UBR3: variants seen among roughly 807,000 people sequenced by gnomAD.
UBR3 encodes the protein ubiquitin protein ligase E3 component n-recognin 3, also known as E3 ubiquitin-protein ligase UBR3.
A neutral mutation model predicts 243.2 loss-of-function variants in UBR3; 85 were observed. The ratio of observed to expected loss-of-function variants is 0.35; its 90% CI spans 0.29 to 0.42. The LOEUF (loss-of-function observed/expected upper bound fraction) is 0.42. Ranked by LOEUF, UBR3 falls within the 10% of genes least tolerant of loss-of-function variation. The pLI, the probability that UBR3 is intolerant of heterozygous loss-of-function variation, is 1.00. For synonymous variants in UBR3, 748 were observed against 799.8 expected (o/e 0.94, Z 1.09); for missense variants, 1,686 against 2,300.8 (o/e 0.73, Z 5.47).
intron 19 of UBR3, among the ~76,000 whole-genome samples, chr2:169,937,532 T>C (rs2086391132): frequency 6.6e-6 from 1 of 152,242 alleles, no homozygotes; most frequent in Non-Finnish European, 1.5e-5. Flanking sequence ...TTTGTCAATT[T>C]TGGCTTTTGT....
intron 27 of UBR3, among the ~76,000 whole-genome samples, chr2:170,001,817 G>A (rs1020999086): frequency 6.7e-6 from 1 of 149,234 alleles, no homozygotes; most frequent in African/African-American, 2.5e-5. Context: ...GGAGGCTGAG[G>A]CAGGAGAATC....
intron 10 of UBR3, among the ~76,000 whole-genome samples, chr2:169,912,944 T>C (rs1459107184): frequency 6.6e-6 from 1 of 152,082 alleles, no homozygotes; most frequent in East Asian, 1.9e-4. Flanking sequence ...GCCACCACTC[T>C]TGACTAATTT....
chr2:170,073,479 T>C lies in UBR3; in HGVS notation c.5071T>C (p.Phe1691Leu). The C allele has an allele frequency of 6.2e-7, 1 of 1,613,778 alleles. No individual in the cohort carries two copies. The highest frequency in any genetic ancestry group is 8.5e-7 in the Non-Finnish European group (1 of 1,179,716). ...LASCLGLLPT[F>L]YQTEHPFISA... is the part of the protein sequence containing the mutation. Reference sequence around the variant, plus strand: ...CAGCTGCCTGGGACTTCTGCCAACGTTTTACCAAACAGAACATCCATTCAT... The same window carrying C: ...CAGCTGCCTGGGACTTCTGCCAACGCTTTACCAAACAGAACATCCATTCAT... The change falls in exon 36 of 39, where the codon TTT becomes CTT. Residue 1691 changes from phenylalanine to leucine, a missense_variant. Phe to Leu is a conservative substitution (Grantham distance 22, BLOSUM62 0). Coordinates refer to ENST00000272793, the MANE Select transcript of UBR3 (RefSeq NM_172070.4).
In UBR3 at chr2:169,890,544, T is replaced by G. The variant is rs6716958; in HGVS notation, c.1039-621T>G. Among the ~76,000 whole-genome samples the G allele has an allele frequency of 9.1e-3, 508 of 56,034 alleles. 24 individuals carry two copies. The highest frequency in any genetic ancestry group is 0.033 in the African/African-American group (477 of 14,290). The allele number at this position is 56,034 out of a possible 152,430, so 36.8% of individuals were successfully genotyped here. ...TTTCTAGGAGAGAGAGAGAGAGATA[T>G]ATATATATATATATATATATGTGTA... On this transcript the variant is annotated intron_variant, in intron 5 of 38. Coordinates refer to ENST00000272793, the MANE Select transcript of UBR3 (RefSeq NM_172070.4).
intron 32 of UBR3, among the ~76,000 whole-genome samples, chr2:170,042,392 G>A (rs12620815): frequency 0.05 from 7,581 of 151,950 alleles, 281 homozygotes; most frequent in East Asian, 0.1. Flanking sequence ...GGTTATTACC[G>A]CCTTTTGGCT....
chr2:169,900,017 A>T (rs932012812), intron 8 of UBR3, among the ~76,000 whole-genome samples: 2 of 152,154 alleles, frequency 1.3e-5, no homozygotes, highest in Non-Finnish European at 2.9e-5. Flanking sequence ...TACCCAGTAA[A>T]GGGATTGCTG....
At chr2:170,037,932 C>G (rs1384296838) in intron 31 of UBR3, among the ~76,000 whole-genome samples, 1 of 152,112 alleles carries the variant, frequency 6.6e-6, no homozygotes, top group Admixed American at 6.6e-5. Context: ...TGGAAGGTCA[C>G]ATACAATAAT....
chr2:169,962,463 C>T (rs937053582), intron 24 of UBR3, among the ~76,000 whole-genome samples: 1 of 152,086 alleles, frequency 6.6e-6, no homozygotes, highest in Admixed American at 6.6e-5. Context: ...CTCCCAGATG[C>T]CTGACCCTCA....
chr2:170,061,131 G>A lies in UBR3; in HGVS notation c.4838G>A (p.Ser1613Asn), dbSNP rs764729306. The part of the protein sequence containing the change: ...SYEVLLSFVI[S>N]ELFKGKLYHE... ...GAAGTATTACTGAGCTTTGTGATAA[G>A]TGAACTATTTAAAGGAAAGTTATAC... The change falls in exon 34 of 39, where the codon AGT becomes AAT. Residue 1613 changes from serine (S) to asparagine (N), a missense_variant. By Grantham distance (46) the Ser-to-Asn change is conservative (BLOSUM62 1). Around this residue, in one of 8 missense-constraint regions of UBR3, gnomAD observed 371 missense variants for 422.5 expected, o/e 0.88. Coordinates refer to ENST00000272793, the MANE Select transcript of UBR3 (RefSeq NM_172070.4). 3.7e-6 allele frequency: 6 copies of A among 1,600,782 alleles called. No homozygotes were observed. The highest frequency in any genetic ancestry group is 1.4e-5 in the African/African-American group (1 of 74,044).
chr2:169,944,735 A>G (rs917485854), intron 20 of UBR3, among the ~76,000 whole-genome samples: 38 of 151,568 alleles, frequency 2.5e-4, no homozygotes, highest in Non-Finnish European at 4.6e-4. Context: ...TTTAGCTCTG[A>G]AGTTACTCAA....
chr2:170,061,332 T>A lies in UBR3; in HGVS notation c.4908T>A (p.Ala1636=). 1 of 1,614,112 alleles carries A rather than the reference T, an allele frequency of 6.2e-7. No homozygotes were observed. The highest frequency in any genetic ancestry group is 1.1e-5 in the South Asian group (1 of 91,056). The change falls in exon 35 of 39, where the codon GCT becomes GCA. Residue 1636 remains alanine (A), a synonymous_variant. Coordinates refer to ENST00000272793, the MANE Select transcript of UBR3 (RefSeq NM_172070.4). The part of the protein sequence containing the change: ...TQECAMVNPI[A]WSPESMEKCL... ...TTTAACTTTAGGTTAACCCTATTGC[T>A]TGGTCTCCTGAATCCATGGAAAAAT...
At chr2:169,897,794 C>T (rs2084649086) in intron 8 of UBR3, among the ~76,000 whole-genome samples, 1 of 152,150 alleles carries the variant, frequency 6.6e-6, no homozygotes, top group Non-Finnish European at 1.5e-5. Context: ...AGACACCACG[C>T]TTGGCCAATA....
chr2:169,880,257 C>T (rs1217015135), intron 5 of UBR3, among the ~76,000 whole-genome samples: 1 of 152,168 alleles, frequency 6.6e-6, no homozygotes, highest in Non-Finnish European at 1.5e-5. Context: ...TTAAAATAAA[C>T]ATCTTGACTT....
intron 2 of UBR3, among the ~76,000 whole-genome samples, chr2:169,875,365 T>C (rs1307929202): frequency 1.3e-5 from 2 of 152,218 alleles, no homozygotes; most frequent in African/African-American, 2.4e-5. Context: ...GGTGTCACTC[T>C]GTTGCCCAGG....
chr2:169,996,432 C>A (rs1419717366), intron 26 of UBR3, among the ~76,000 whole-genome samples: 1 of 152,154 alleles, frequency 6.6e-6, no homozygotes, highest in Non-Finnish European at 1.5e-5. Context: ...ATATAGGTCA[C>A]TCTGCATATA....
intron 1 of UBR3, among the ~76,000 whole-genome samples, chr2:169,830,235 TC>T (rs1434903724): frequency 6.6e-6 from 1 of 152,166 alleles, no homozygotes; most frequent in Non-Finnish European, 1.5e-5. Flanking sequence ...ATCTGTCTTT[TC>T]CCCACCTGGT....
chr2:169,899,803 A>T (rs1350154587), intron 8 of UBR3, among the ~76,000 whole-genome samples: 1 of 152,104 alleles, frequency 6.6e-6, no homozygotes, highest in African/African-American at 2.4e-5. Context: ...GACCAGTTTC[A>T]TCCATGTCCT....
At chr2:169,945,693 A>T (rs934234378) in intron 20 of UBR3, among the ~76,000 whole-genome samples, 1 of 152,198 alleles carries the variant, frequency 6.6e-6, no homozygotes, top group African/African-American at 2.4e-5. Flanking sequence ...GTTATATCAT[A>T]TTGAATGAGT....
Position 169,838,387 on chromosome 2 carries a change from T to TTGTG in UBR3, c.545+10393_545+10396dup, listed in dbSNP as rs544974959. On this transcript the variant is annotated intron_variant, in intron 1 of 38. Coordinates refer to ENST00000272793, the MANE Select transcript of UBR3 (RefSeq NM_172070.4). ...GCTGGGAAGTCCAAGATTAAGGCATTTGTGTGTGTGTGTGTGTGTGTGTGT... is the reference window on the plus strand; with the variant it reads ...GCTGGGAAGTCCAAGATTAAGGCATTTGTGTGTGTGTGTGTGTGTGTGTGTGTGT... Among the ~76,000 whole-genome samples, 894 of 114,384 alleles carry TTGTG rather than the reference T, an allele frequency of 7.8e-3. 9 individuals carry two copies. The highest frequency in any genetic ancestry group is 9.4e-3 in the African/African-American group (288 of 30,678). 75.0% of individuals were successfully genotyped at this position (114,384 alleles called of 152,430 possible). A position where few individuals can be genotyped will look rare whatever the true frequency, so the allele number is the denominator to read the frequency against.
Sources: gnomAD v4.1 joint callset for allele counts (sites outside exome capture counted in the v4.1 genomes callset) on GRCh38, gnomAD v4.1.1 for gene constraint, gnomAD v4.1.1 regional missense constraint, MANE v1.5 for transcripts, NCBI Gene and HGNC (gene_info 2026-07-23, HGNC 2026-07-21) for gene names.